The following TMEM184B variants were observed in gnomAD, a reference collection of about 807,000 sequenced individuals.
TMEM184B encodes the protein transmembrane protein 184B.
Under a neutral mutation model 41.8 loss-of-function variants are expected in TMEM184B, and 17 were observed. The ratio of observed to expected loss-of-function variants is 0.41; its 90% CI spans 0.28 to 0.61. The LOEUF is 0.61. Among genes scored for constraint, TMEM184B ranks in the 20% least tolerant of loss-of-function variants. The pLI, the probability that TMEM184B is intolerant of heterozygous loss-of-function variation, is 0.34. For synonymous variants in TMEM184B, 240 were observed against 229.5 expected (o/e 1.05, Z -0.41); for missense variants, 393 against 557.8 (o/e 0.70, Z 2.98).
At chr22:38,247,505 CAGG>C (rs2092061408) in intron 2 of TMEM184B, among the ~76,000 whole-genome samples, 1 of 152,238 alleles carries the variant, frequency 6.6e-6, no homozygotes. Context: ...GAGGCTGAGG[CAGG>C]AGAATTGTTC....
In TMEM184B at chr22:38,220,822, G is replaced by A; in HGVS notation, c.*647C>T. 1.0e-6 allele frequency: 1 copy of A among 986,128 alleles called. No individual in the cohort carries two copies. The highest frequency in any genetic ancestry group is 1.2e-6 in the Non-Finnish European group (1 of 830,166). 61.1% of individuals were successfully genotyped at this position (986,128 alleles called of 1,614,324 possible). Reference sequence around the variant, plus strand: ...GATACCCAGGGGCCCAGAAGCCCCTGCTTCAACAGAAGCGGTGCCCAGGGG... The same window carrying A: ...GATACCCAGGGGCCCAGAAGCCCCTACTTCAACAGAAGCGGTGCCCAGGGG... On this transcript the variant is annotated 3_prime_UTR_variant, in exon 9 of 9. Transcript: ENST00000361906.
intron 1 of TMEM184B, among the ~76,000 whole-genome samples, chr22:38,252,662 A>C (rs987378146): frequency 6.6e-6 from 1 of 152,150 alleles, no homozygotes; most frequent in Middle Eastern, 3.2e-3. Flanking sequence ...GGGTCAGAGA[A>C]GGCTTCCATG....
intron 1 of TMEM184B, among the ~76,000 whole-genome samples, chr22:38,263,129 C>A (rs2092395428): frequency 6.6e-6 from 1 of 152,132 alleles, no homozygotes; most frequent in Non-Finnish European, 1.5e-5. Flanking sequence ...TCTCGAACCC[C>A]TCACCTCAAG....
chr22:38,245,651 C>T (rs922977102), intron 3 of TMEM184B, among the ~76,000 whole-genome samples: 19 of 144,060 alleles, frequency 1.3e-4, no homozygotes, highest in Non-Finnish European at 2.3e-4. Flanking sequence ...CATTGAGAAG[C>T]GAGACCCAGG....
chr22:38,231,812 C>CCTG, intron 3 of TMEM184B: 1 of 307,358 alleles, frequency 3.3e-6, no homozygotes, highest in Admixed American at 4.6e-5. Flanking sequence ...GTGTGCTACA[C>CCTG]TGATCTGGTG....
intron 1 of TMEM184B, among the ~76,000 whole-genome samples, chr22:38,263,655 T>A (rs964079259): frequency 1.3e-5 from 2 of 152,146 alleles, no homozygotes; most frequent in African/African-American, 4.8e-5. Flanking sequence ...TGTTAACCCA[T>A]CCGTAGAATA....
chr22:38,264,533 C>T (rs2092417320), intron 1 of TMEM184B, among the ~76,000 whole-genome samples: 1 of 152,222 alleles, frequency 6.6e-6, no homozygotes. Context: ...CCATGCAAGA[C>T]CACTCCCACT....
chr22:38,264,389 G>A (rs1255068106), intron 1 of TMEM184B, among the ~76,000 whole-genome samples: 8 of 152,134 alleles, frequency 5.3e-5, no homozygotes, highest in African/African-American at 1.9e-4. Flanking sequence ...CCATGAAGAT[G>A]AGCAGGCAGG....
chr22:38,240,730 G>A (rs376351015), intron 3 of TMEM184B, among the ~76,000 whole-genome samples: 1,687 of 92,520 alleles, frequency 0.018, 36 homozygotes, highest in African/African-American at 0.066. Flanking sequence ...GGGAAAAAAA[G>A]GCAAAAAAAA....
intron 3 of TMEM184B, among the ~76,000 whole-genome samples, chr22:38,242,867 T>G (rs1381467151): frequency 6.6e-6 from 1 of 151,838 alleles, no homozygotes; most frequent in Non-Finnish European, 1.5e-5. Context: ...ATCAAGACCA[T>G]CCTGGCCAAC....
At chr22:38,240,148 C>T (rs562435524) in intron 3 of TMEM184B, among the ~76,000 whole-genome samples, 4 of 151,954 alleles carry the variant, frequency 2.6e-5, no homozygotes, top group Non-Finnish European at 5.9e-5. Context: ...TTGAGGAGCG[C>T]TTCTAACAAG....
At chr22:38,235,176 G>A (rs1001855790) in intron 3 of TMEM184B, among the ~76,000 whole-genome samples, 2 of 152,180 alleles carry the variant, frequency 1.3e-5, no homozygotes, top group African/African-American at 4.8e-5. Context: ...GCTCAGGCAG[G>A]GCAGGAGGGG....
intron 3 of TMEM184B, among the ~76,000 whole-genome samples, chr22:38,232,531 A>G (rs2091661486): frequency 6.6e-6 from 1 of 152,176 alleles, no homozygotes; most frequent in Non-Finnish European, 1.5e-5. Context: ...AGGAAGAGCC[A>G]GGGTGAGGAC....
chr22:38,230,578 C>A (rs2091584991), intron 5 of TMEM184B, 91 bp downstream of exon 5: 2 of 1,354,498 alleles, frequency 1.5e-6, no homozygotes, highest in South Asian at 1.2e-5. Context: ...GGAAAGGGGA[C>A]CTCTAAGGTG....
chr22:38,227,962 C>T (rs2091493302), intron 5 of TMEM184B, among the ~76,000 whole-genome samples: 1 of 152,176 alleles, frequency 6.6e-6, no homozygotes, highest in African/African-American at 2.4e-5. Flanking sequence ...TTCTGAGGAG[C>T]TGGGGGAGGT....
chr22:38,220,425 AGGCCCTGTGTGGATAGGGGCC>A lies in TMEM184B; in HGVS notation c.*1023_*1043del. The A allele has an allele frequency of 1.0e-6, 1 of 985,944 alleles. No homozygotes were observed. The highest frequency in any genetic ancestry group is 1.2e-6 in the Non-Finnish European group (1 of 830,010). 61.1% of individuals were successfully genotyped at this position (985,944 alleles called of 1,614,324 possible). ...CAGGGGCCAGATGGGGTAGAACACC[AGGCCCTGTGTGGATAGGGGCC>A]CCGAGAGGAGTCTGGGACCATTCCC... is the stretch of plus-strand genomic sequence containing the variant. On this transcript the variant is annotated 3_prime_UTR_variant, in exon 9 of 9. Transcript: ENST00000361906.
chr22:38,259,449 G>A (rs181812012), intron 1 of TMEM184B, among the ~76,000 whole-genome samples: 2 of 152,328 alleles, frequency 1.3e-5, no homozygotes, highest in Admixed American at 1.3e-4. Flanking sequence ...GTCATCACAA[G>A]GGTCCTCGTA....
intron 1 of TMEM184B, among the ~76,000 whole-genome samples, chr22:38,261,808 C>A (rs1786741457): frequency 6.6e-6 from 1 of 152,192 alleles, no homozygotes; most frequent in South Asian, 2.1e-4. Context: ...CTGTCTAAAC[C>A]AGGATCCCTG....
chr22:38,247,978 A>G lies in TMEM184B; in HGVS notation c.-17T>C. ...CACTGTCATGGTGCCTGGCAGCAGGAGGCTCCCTGAGGGAAACCTTTGCAG... is the reference window on the plus strand; with the variant it reads ...CACTGTCATGGTGCCTGGCAGCAGGGGGCTCCCTGAGGGAAACCTTTGCAG... On this transcript the variant is annotated 5_prime_UTR_variant, in exon 2 of 9. Transcript: ENST00000361906. The G allele has an allele frequency of 1.3e-6, 2 of 1,552,234 alleles. No individual in the cohort carries two copies. The highest frequency in any genetic ancestry group is 1.7e-6 in the Non-Finnish European group (2 of 1,154,960).
Sources: allele counts gnomAD v4.1 joint callset (sites outside exome capture counted in the v4.1 genomes callset), GRCh38; gene constraint gnomAD v4.1.1; transcripts MANE v1.5; gene names NCBI Gene and HGNC (gene_info 2026-07-23, HGNC 2026-07-21).